Variants in DNMT3B observed in about 807,000 individuals in gnomAD.
The protein encoded by DNMT3B is DNA (cytosine-5)-methyltransferase 3B.
A neutral mutation model predicts 120.2 loss-of-function variants in DNMT3B; 37 were observed. That is an observed-to-expected ratio of 0.31 (90% CI 0.24 to 0.40). The LOEUF (loss-of-function observed/expected upper bound fraction) is 0.40. DNMT3B is among the 10% of genes least tolerant of loss of function. The pLI is 1.00. For missense variants in DNMT3B, 878 were observed against 1,137.3 expected, an observed-to-expected ratio of 0.77 and a Z score of 3.28; for synonymous variants, 412 against 442.8, an observed-to-expected ratio of 0.93 and a Z score of 0.87.
intron 1 of DNMT3B, among the ~76,000 whole-genome samples, chr20:32,765,742 TA>T (rs200062911): frequency 9.2e-5 from 13 of 140,990 alleles, no homozygotes; most frequent in African/African-American, 2.9e-4. Flanking sequence ...TTTATTTATT[TA>T]TTTTTTCTTT....
intron 1 of DNMT3B, among the ~76,000 whole-genome samples, chr20:32,763,556 CCA>C (rs1443770948): frequency 1.3e-5 from 2 of 152,242 alleles, no homozygotes; most frequent in African/African-American, 4.8e-5. Context: ...ACCTCTAGCA[CCA>C]GCTCCTGGAA....
chr20:32,791,193 T>TTA (rs1179618309), intron 7 of DNMT3B, among the ~76,000 whole-genome samples: 1 of 152,200 alleles, frequency 6.6e-6, no homozygotes, highest in Non-Finnish European at 1.5e-5. Context: ...GAGTAAACAA[T>TTA]TATCATGCTT....
chr20:32,795,763 G>A, intron 12 of DNMT3B, 69 bp downstream of exon 12: 1 of 1,592,978 alleles, frequency 6.3e-7, no homozygotes, highest in Non-Finnish European at 8.6e-7. Context: ...CCTTGTCCTG[G>A]CTCATCCACC....
intron 16 of DNMT3B, 139 bp from the exon 17 acceptor site, chr20:32,800,014 C>A (rs1281127350): frequency 1.6e-6 from 2 of 1,253,380 alleles, no homozygotes. Flanking sequence ...ATGTGTGGTG[C>A]GTGTACAGCC....
chr20:32,799,318 C>G lies in DNMT3B; in HGVS notation c.1749C>G (p.Gly583=). The change falls in exon 16 of 23, where the codon GGC becomes GGG. Residue 583 remains glycine, a synonymous_variant. Coordinates refer to ENST00000328111, the MANE Select transcript of DNMT3B (RefSeq NM_006892.4). ...TTCGAGTCCTGTCATTGTTTGATGG[C>G]ATCGCGACAGGTGAGTTCGGGGAAC... ...RPIRVLSLFD[G]IATGYLVLKE... is the part of the protein sequence containing the mutation. 6.2e-7 allele frequency: 1 copy of G among 1,612,828 alleles called. No individual in the cohort carries two copies. Among genetic ancestry groups the G allele is most frequent in the Non-Finnish European group, 8.5e-7 (1 of 1,179,550 alleles).
chr20:32,799,362 C>G, intron 16 of DNMT3B, 34 bp downstream of exon 16: 1 of 1,599,872 alleles, frequency 6.3e-7, no homozygotes, highest in Non-Finnish European at 8.5e-7. Flanking sequence ...ACACTGCTAT[C>G]GTGTCACAAC....
Position 32,787,325 on chromosome 20 carries a change from C to T in DNMT3B, c.528C>T (p.Asp176=). The change falls in exon 6 of 23, where the codon GAC becomes GAT. Residue 176 remains aspartate (D), a synonymous_variant. Coordinates refer to ENST00000328111, the MANE Select transcript of DNMT3B (RefSeq NM_006892.4). ...LTIDLTDDTE[D]THGTPQSSST... is the part of the protein sequence containing the mutation. ...TCGACCTCACAGACGACACAGAGGACACACATGGGACGCCCCAGAGCAGCA... is the reference window on the plus strand; with the variant it reads ...TCGACCTCACAGACGACACAGAGGATACACATGGGACGCCCCAGAGCAGCA... The T allele has an allele frequency of 6.2e-7, 1 of 1,614,228 alleles. No individual in the cohort carries two copies. Among genetic ancestry groups the T allele is most frequent in the South Asian group, 1.1e-5 (1 of 91,086 alleles).
Position 32,805,362 on chromosome 20 carries a change from T to C in DNMT3B, c.2256T>C (p.Asp752=). ...GGCCCGTGATAGCATCAAAGAATGA[T>C]AAACTCGAGCTGCAGGACTGCTTGG... ...MNRPVIASKN[D]KLELQDCLEY... Residue 752 remains aspartate (D), a synonymous_variant, in exon 21 of 23, where the codon GAT becomes GAC. Transcript: ENST00000328111. 1.2e-6 allele frequency: 2 copies of C among 1,614,150 alleles called. No homozygotes were observed. Among genetic ancestry groups the C allele is most frequent in the East Asian group, 2.2e-5 (1 of 44,878 alleles).
At position 32,780,467 on chromosome 20, in the gene DNMT3B, T is replaced by A; in HGVS notation, c.142+2T>A. The A allele has an allele frequency of 6.2e-7, 1 of 1,611,786 alleles. No individual in the cohort carries two copies. Among genetic ancestry groups the A allele is most frequent in the Non-Finnish European group, 8.5e-7 (1 of 1,179,886 alleles). On this transcript the variant is annotated splice_donor_variant, in intron 2 of 22. Transcript: ENST00000328111. LOFTEE classifies it high-confidence loss of function. ...CTATCCGCACCCCGGAGATCAGAGGTGGCTGGGCAGTGGGGACTGGGGTGG... is the reference window on the plus strand; with the variant it reads ...CTATCCGCACCCCGGAGATCAGAGGAGGCTGGGCAGTGGGGACTGGGGTGG...
intron 1 of DNMT3B, among the ~76,000 whole-genome samples, chr20:32,765,778 C>T (rs1412797801): frequency 2.9e-5 from 3 of 102,256 alleles, no homozygotes; most frequent in African/African-American, 4.3e-5. Context: ...TTTTTTGAGA[C>T]GGAGTCTGGC....
chr20:32,784,668 C>T (rs971668348), intron 3 of DNMT3B, 90 bp from the exon 4 acceptor site: 95 of 1,407,846 alleles, frequency 6.7e-5, no homozygotes, highest in Non-Finnish European at 8.3e-5. Flanking sequence ...CAGGCACAGG[C>T]GATCAGTCTT....
intron 9 of DNMT3B, 118 bp downstream of exon 9, chr20:32,792,888 C>T: frequency 6.8e-7 from 1 of 1,462,020 alleles, no homozygotes; most frequent in Non-Finnish European, 9.4e-7. Context: ...CTGGTCTCAA[C>T]TCTGAATGTT....
intron 2 of DNMT3B, 35 bp downstream of exon 2, chr20:32,780,500 C>T (rs529125414): frequency 5.0e-5 from 80 of 1,606,516 alleles, no homozygotes; most frequent in South Asian, 3.9e-4. Context: ...TGGTGTCAGG[C>T]GCTGACATAG....
chr20:32,801,097 A>T (rs1981281949), intron 18 of DNMT3B, among the ~76,000 whole-genome samples, 172 bp downstream of exon 18: 1 of 152,122 alleles, frequency 6.6e-6, no homozygotes, highest in African/African-American at 2.4e-5. Flanking sequence ...CAAGGGAAAT[A>T]CCCTAGTAAA....
At chr20:32,762,977 T>C (rs1764797557) in intron 1 of DNMT3B, among the ~76,000 whole-genome samples, 1 of 151,900 alleles carries the variant, frequency 6.6e-6, no homozygotes, top group South Asian at 2.1e-4. Context: ...GTCTGCTGCC[T>C]CCAGGAGCCC....
At position 32,800,906 on chromosome 20, in the gene DNMT3B, A is replaced by G; in HGVS notation, c.1977A>G (p.Pro659=). 6.2e-7 allele frequency: 1 copy of G among 1,614,228 alleles called. No individual in the cohort carries two copies. The highest frequency in any genetic ancestry group is 8.5e-7 in the Non-Finnish European group (1 of 1,180,040). Residue 659 remains proline (P), a synonymous_variant, in exon 18 of 23, where the codon CCA becomes CCG. Coordinates refer to ENST00000328111, the MANE Select transcript of DNMT3B (RefSeq NM_006892.4). The part of the protein sequence containing the change: ...SPCNDLSNVN[P]ARKGLYEGTG... ...GCAACGATCTCTCAAATGTGAATCC[A>G]GCCAGGAAAGGCCTGTATGGTGAGC...
chr20:32,791,756 A>G (rs1233010117), intron 8 of DNMT3B, 48 bp downstream of exon 8: 2 of 1,601,524 alleles, frequency 1.2e-6, no homozygotes, highest in Non-Finnish European at 1.7e-6. Flanking sequence ...AGCAGGGATG[A>G]AGCAAGAGAC....
rs543009329 is a variant in DNMT3B at position 32,801,477 on chromosome 20, C to T, written c.2145+51C>T. 52 of 1,611,040 alleles carry T rather than the reference C, an allele frequency of 3.2e-5. No individual in the cohort carries two copies. The East Asian group carries it at 7.4e-4, about 23-fold the overall frequency. On this transcript the variant is annotated intron_variant, in intron 19 of 22. Coordinates refer to ENST00000328111, the MANE Select transcript of DNMT3B (RefSeq NM_006892.4). The stretch of plus-strand genomic sequence containing the variant: ...TCACAGACAGCCAGGGCAGGGAAAG[C>T]GCTGCTGGCAGTGATGATTGGTGGG...
chr20:32,770,726 C>T (rs1168438834), intron 1 of DNMT3B, among the ~76,000 whole-genome samples: 1 of 151,964 alleles, frequency 6.6e-6, no homozygotes, highest in Non-Finnish European at 1.5e-5. Flanking sequence ...GATTCTCTTG[C>T]CTCAGCCTCC....
Sources: gnomAD v4.1 joint callset for allele counts (sites outside exome capture counted in the v4.1 genomes callset) on GRCh38, gnomAD v4.1.1 for gene constraint, MANE v1.5 for transcripts, NCBI Gene and HGNC (gene_info 2026-07-23, HGNC 2026-07-21) for gene names.